The following MYOCD variants were observed in gnomAD, a reference collection of about 807,000 sequenced individuals.
MYOCD encodes the protein myocardin.
A neutral mutation model predicts 96.1 loss-of-function variants in MYOCD; 32 were observed. The observed-to-expected ratio is 0.33, with a 90% CI of 0.25 to 0.45. The LOEUF is 0.45. MYOCD is among the 20% of genes least tolerant of loss of function. The probability of loss-of-function intolerance (pLI) is 1.00; values close to 1 mark genes in which losing one functional copy is unlikely to be tolerated. For missense variants in MYOCD, 1,133 were observed against 1,200.6 expected, an observed-to-expected ratio of 0.94 and a Z score of 0.83; for synonymous variants, 469 against 469.0, an observed-to-expected ratio of 1.00 and a Z score of 0.00.
chr17:12,673,094 T>C (rs1909801940), intron 1 of MYOCD, among the ~76,000 whole-genome samples: 2 of 152,168 alleles, frequency 1.3e-5, no homozygotes, highest in Admixed American at 1.3e-4. Context: ...TAAACTATTC[T>C]GCCTTTTCTA....
rs777505678 is a variant in MYOCD at position 12,763,227 on chromosome 17, C to T, written c.2544C>T (p.Ala848=). The T allele has an allele frequency of 1.2e-6, 2 of 1,614,036 alleles. No homozygotes were observed. The highest frequency in any genetic ancestry group is 1.7e-6 in the Non-Finnish European group (2 of 1,180,034). Residue 848 remains alanine (A), a synonymous_variant, in exon 14 of 14, where the codon GCC becomes GCT. Transcript: ENST00000425538. ...GCCAGATCCCCTTTGATCCCTATGC[C>T]ACCGACAGTGATGAGCATCTTGAAG... ...SGSQIPFDPY[A]TDSDEHLEVL...
chr17:12,727,576 G>A (rs887470143), intron 5 of MYOCD, among the ~76,000 whole-genome samples: 5 of 152,076 alleles, frequency 3.3e-5, no homozygotes, highest in Admixed American at 3.3e-4. Context: ...TTCCAGATGT[G>A]TTTACATTTT....
At chr17:12,685,390 A>T (rs906732494) in intron 1 of MYOCD, among the ~76,000 whole-genome samples, 1 of 152,170 alleles carries the variant, frequency 6.6e-6, no homozygotes, top group African/African-American at 2.4e-5. Context: ...GGATCACTTG[A>T]GGTCAGGAGT....
intron 9 of MYOCD, among the ~76,000 whole-genome samples, chr17:12,749,453 C>G (rs898013859): frequency 6.6e-6 from 1 of 151,586 alleles, no homozygotes; most frequent in African/African-American, 2.4e-5. Context: ...TGCTTGAACC[C>G]AGGAGACGGA....
At chr17:12,729,925 C>G (rs2032117612) in intron 5 of MYOCD, among the ~76,000 whole-genome samples, 1 of 152,082 alleles carries the variant, frequency 6.6e-6, no homozygotes, top group African/African-American at 2.4e-5. Flanking sequence ...GCCCTAGGAT[C>G]AGGTGTATCA....
intron 1 of MYOCD, among the ~76,000 whole-genome samples, chr17:12,697,513 C>T (rs1169364678): frequency 1.3e-5 from 2 of 150,176 alleles, no homozygotes; most frequent in African/African-American, 2.4e-5. Flanking sequence ...CAGGCGCCCA[C>T]CACTACACCT....
intron 1 of MYOCD, among the ~76,000 whole-genome samples, chr17:12,699,892 C>A (rs181332919): frequency 0.092 from 12,162 of 131,784 alleles, 551 homozygotes; most frequent in Middle Eastern, 0.15. Context: ...ATATATATTT[C>A]TTTTTTTTTT....
chr17:12,722,695 C>A (rs1307312532), intron 4 of MYOCD, 152 bp from the exon 5 acceptor site: 5 of 612,982 alleles, frequency 8.2e-6, no homozygotes, highest in Non-Finnish European at 1.1e-5. Context: ...TGGTGCTAAT[C>A]CCTGTAAAGT....
intron 4 of MYOCD, 134 bp from the exon 5 acceptor site, chr17:12,722,713 A>T: frequency 2.9e-6 from 2 of 687,830 alleles, no homozygotes; most frequent in Non-Finnish European, 4.9e-6. Flanking sequence ...AGTGATGATG[A>T]TTGCATCGAA....
chr17:12,725,324 T>G (rs921325515), intron 5 of MYOCD, among the ~76,000 whole-genome samples: 1 of 150,484 alleles, frequency 6.6e-6, no homozygotes, highest in Non-Finnish European at 1.5e-5. Context: ...TAAAAATCTA[T>G]GTAGTATATT....
chr17:12,709,170 A>G (rs2031400399), intron 2 of MYOCD, among the ~76,000 whole-genome samples: 1 of 152,228 alleles, frequency 6.6e-6, no homozygotes, highest in African/African-American at 2.4e-5. Context: ...AATGAGGTGA[A>G]TCATGTGTAA....
chr17:12,690,778 A>G (rs549452115), intron 1 of MYOCD, among the ~76,000 whole-genome samples: 51 of 152,320 alleles, frequency 3.3e-4, no homozygotes, highest in African/African-American at 1.2e-3. Context: ...GGTGGTTTTT[A>G]TATCAGGTAA....
intron 10 of MYOCD, among the ~76,000 whole-genome samples, chr17:12,754,250 G>C (rs1164178529): frequency 6.6e-6 from 1 of 152,150 alleles, no homozygotes; most frequent in East Asian, 1.9e-4. Context: ...GACTACAGGC[G>C]CACACCACCA....
At chr17:12,754,062 GTGTGTGTGTGTGTA>G (rs1260042262) in intron 10 of MYOCD, among the ~76,000 whole-genome samples, 2 of 60,410 alleles carry the variant, frequency 3.3e-5, no homozygotes, top group Admixed American at 1.8e-4. Flanking sequence ...AAGCAAAGAG[GTGTGTGTGTGTGTA>G]TGTGTGTGTG....
At chr17:12,746,123 A>AC in intron 9 of MYOCD, 51 bp downstream of exon 9, 1 of 1,573,760 alleles carries the variant, frequency 6.4e-7, no homozygotes, top group Non-Finnish European at 8.7e-7. Flanking sequence ...ATACAACAGT[A>AC]TGTTGTTAAC....
At chr17:12,680,298 A>G (rs993419124) in intron 1 of MYOCD, among the ~76,000 whole-genome samples, 1 of 152,226 alleles carries the variant, frequency 6.6e-6, no homozygotes, top group Non-Finnish European at 1.5e-5. Flanking sequence ...TTAGGGATAA[A>G]GGGCTCTTAA....
chr17:12,757,082 T>C (rs894035068), intron 11 of MYOCD, among the ~76,000 whole-genome samples: 4 of 151,918 alleles, frequency 2.6e-5, no homozygotes, highest in Non-Finnish European at 5.9e-5. Context: ...GGAAACAACA[T>C]TGGAGGAAGA....
In MYOCD at chr17:12,722,990, G is replaced by A; in HGVS notation, c.397G>A (p.Val133Met). The change falls in exon 5 of 14, where the codon GTG becomes ATG. Residue 133 changes from valine to methionine, a missense_variant. Val to Met is a conservative substitution (Grantham distance 21). Transcript: ENST00000425538. ...EKNILPVDSA[V>M]KEAIKGNQVS... ...AAACATTCTTCCTGTGGATTCTGCTGTGAAAGAGGCCATAAAAGGTAGTTA... is the reference window on the plus strand; with the variant it reads ...AAACATTCTTCCTGTGGATTCTGCTATGAAAGAGGCCATAAAAGGTAGTTA... The A allele has an allele frequency of 6.2e-7, 1 of 1,613,866 alleles. No homozygotes were observed. The highest frequency in any genetic ancestry group is 1.1e-5 in the South Asian group (1 of 91,030).
intron 1 of MYOCD, among the ~76,000 whole-genome samples, chr17:12,692,737 C>T (rs1184105778): frequency 1.3e-5 from 2 of 152,110 alleles, no homozygotes; most frequent in South Asian, 2.1e-4. Flanking sequence ...CCTATACAGC[C>T]GCACCTGGTT....
Sources: gnomAD v4.1 joint callset for allele counts (sites outside exome capture counted in the v4.1 genomes callset) on GRCh38, gnomAD v4.1.1 for gene constraint, MANE v1.5 for transcripts, NCBI Gene and HGNC (gene_info 2026-07-23, HGNC 2026-07-21) for gene names.